The following TMEM132D variants were observed in gnomAD, a reference collection of about 807,000 sequenced individuals.
TMEM132D encodes transmembrane protein 132D.
Under a neutral mutation model 62.3 loss-of-function variants are expected in TMEM132D, and 21 were observed. The observed-to-expected ratio is 0.34, with a 90% confidence interval of 0.24 to 0.49. The LOEUF is 0.49. Ranked by LOEUF, TMEM132D falls within the 20% of genes least tolerant of loss-of-function variation. The probability of loss-of-function intolerance (pLI) is 0.99; values close to 1 mark genes in which losing one functional copy is unlikely to be tolerated. For synonymous variants in TMEM132D, 621 were observed against 575.6 expected, an observed-to-expected ratio of 1.08 and a Z score of -1.13; for missense variants, 1,346 against 1,402.8, an observed-to-expected ratio of 0.96 and a Z score of 0.65.
At chr12:129,716,413 G>A (rs774290668) in intron 1 of TMEM132D, among the ~76,000 whole-genome samples, 5 of 152,200 alleles carry the variant, frequency 3.3e-5, no homozygotes, top group Admixed American at 1.3e-4. Context: ...ACGCCTGTGA[G>A]GGTCAGGGCA....
chr12:129,655,510 G>A (rs773516249), intron 2 of TMEM132D, among the ~76,000 whole-genome samples: 6 of 151,996 alleles, frequency 3.9e-5, no homozygotes, highest in Non-Finnish European at 8.8e-5. Context: ...GCCTCTCAAA[G>A]TGCTGGGATT....
intron 2 of TMEM132D, among the ~76,000 whole-genome samples, chr12:129,581,441 G>A (rs1364260946): frequency 6.6e-6 from 1 of 152,190 alleles, no homozygotes; most frequent in African/African-American, 2.4e-5. Flanking sequence ...GAGGAGCCAG[G>A]AAGCCAGTCT....
intron 2 of TMEM132D, among the ~76,000 whole-genome samples, chr12:129,697,008 C>A (rs1256339075): frequency 2.6e-5 from 4 of 152,152 alleles, no homozygotes; most frequent in Non-Finnish European, 5.9e-5. Context: ...TACACGCATA[C>A]AAATACACAC....
intron 2 of TMEM132D, among the ~76,000 whole-genome samples, chr12:129,662,812 A>AGAGAGAG (rs1555224286): frequency 0.012 from 963 of 83,390 alleles, 5 homozygotes; most frequent in African/African-American, 0.027. Context: ...AAAAAAAAAA[A>AGAGAGAG]AGAGAGAGAG....
At chr12:129,354,332 T>TAC (rs1223536578) in intron 3 of TMEM132D, among the ~76,000 whole-genome samples, 2 of 151,078 alleles carry the variant, frequency 1.3e-5, no homozygotes, top group East Asian at 2.0e-4. Flanking sequence ...TATATATATA[T>TAC]ACATATTTTG....
chr12:129,406,258 T>C (rs1871782877), intron 3 of TMEM132D, among the ~76,000 whole-genome samples: 1 of 152,158 alleles, frequency 6.6e-6, no homozygotes, highest in South Asian at 2.1e-4. Flanking sequence ...TTTACAAAAA[T>C]ATATCCATAT....
At chr12:129,379,214 C>G (rs1011318054) in intron 3 of TMEM132D, among the ~76,000 whole-genome samples, 14 of 152,080 alleles carry the variant, frequency 9.2e-5, no homozygotes, top group African/African-American at 1.9e-4. Context: ...TGCACACACA[C>G]AGAGTCAGGA....
At chr12:129,110,744 C>T (rs7310361) in intron 5 of TMEM132D, 22,443 of 152,264 alleles carry the variant, frequency 0.15, 2,835 homozygotes, top group African/African-American at 0.34. Context: ...AGGGCCGCGC[C>T]GCACACCACA....
In TMEM132D at chr12:129,596,128, A is replaced by G. The variant is rs992903807; in HGVS notation, c.969-64923T>C. ...CAAACATGATGTACACAGGAGACAA[A>G]TTGGGTATGGTTTTGTGGGCCATAG... On this transcript the variant is annotated intron_variant, in intron 2 of 8. Coordinates refer to ENST00000422113, the MANE Select transcript of TMEM132D (RefSeq NM_133448.3). Among the ~76,000 whole-genome samples the G allele has an allele frequency of 4.6e-5, 7 of 152,306 alleles. 1 individual carries two copies. The Middle Eastern group carries it at 0.02, about 444-fold the overall frequency.
chr12:129,828,736 AAAGGAGGGAGGG>A (rs1872734268), intron 1 of TMEM132D, among the ~76,000 whole-genome samples: 1 of 11,398 alleles, frequency 8.8e-5, no homozygotes, highest in African/African-American at 3.7e-4. Flanking sequence ...GGGAGGGAGG[AAAGGAGGGAGGG>A]AGGGAGGAAA....
intron 5 of TMEM132D, among the ~76,000 whole-genome samples, chr12:129,195,642 G>A (rs977053334): frequency 6.6e-6 from 1 of 152,174 alleles, no homozygotes; most frequent in African/African-American, 2.4e-5. Flanking sequence ...CTGAAATTAA[G>A]AACATAGCTG....
At chr12:129,126,966 G>A (rs1343494945) in intron 5 of TMEM132D, among the ~76,000 whole-genome samples, 1 of 152,216 alleles carries the variant, frequency 6.6e-6, no homozygotes, top group African/African-American at 2.4e-5. Context: ...ATGCCCTGCA[G>A]TTGGGGACAA....
At chr12:129,145,374 G>A (rs1876864996) in intron 5 of TMEM132D, among the ~76,000 whole-genome samples, 1 of 152,118 alleles carries the variant, frequency 6.6e-6, no homozygotes, top group Non-Finnish European at 1.5e-5. Context: ...GGGGTTCAGG[G>A]ATGCGTTTCA....
intron 3 of TMEM132D, among the ~76,000 whole-genome samples, chr12:129,447,942 T>A (rs905710405): frequency 6.6e-6 from 1 of 152,146 alleles, no homozygotes; most frequent in Non-Finnish European, 1.5e-5. Context: ...AAACAGTGAG[T>A]GCTTGACAAC....
At chr12:129,764,564 A>T (rs932632614) in intron 1 of TMEM132D, among the ~76,000 whole-genome samples, 1 of 147,348 alleles carries the variant, frequency 6.8e-6, no homozygotes, top group South Asian at 2.3e-4. Context: ...GTGTGTGTGC[A>T]CGTGCATGTG....
rs1872996025 is a variant in TMEM132D, at chr12:129,443,395, CA to C, written c.1115+87663del. 3.9e-5 allele frequency among the ~76,000 whole-genome samples: 6 copies of C among 152,168 alleles called. No homozygotes were observed. In the South Asian group the frequency reaches 1.2e-3, roughly 32 times the overall value. On this transcript the variant is annotated intron_variant, in intron 3 of 8. Transcript: ENST00000422113. ...CTGTTAAGTCCCATTCTGATATCAT[CA>C]AAAACTGCTTTATACACACTCTGAT...
At chr12:129,654,543 G>GA (rs957999519) in intron 2 of TMEM132D, among the ~76,000 whole-genome samples, 1 of 152,062 alleles carries the variant, frequency 6.6e-6, no homozygotes, top group East Asian at 1.9e-4. Flanking sequence ...CAACCCCACT[G>GA]AAAAATGCAT....
chr12:129,362,223 T>C (rs974899927), intron 3 of TMEM132D, among the ~76,000 whole-genome samples: 6 of 152,208 alleles, frequency 3.9e-5, no homozygotes, highest in Admixed American at 2.6e-4. Context: ...CTCTTTCAAC[T>C]TGTCTTGCAT....
At chr12:129,741,227 C>G (rs942640528) in intron 1 of TMEM132D, among the ~76,000 whole-genome samples, 43 of 152,264 alleles carry the variant, frequency 2.8e-4, no homozygotes, top group African/African-American at 9.9e-4. Context: ...TGGCCATAAG[C>G]CTTTGGCACC....
Sources: allele counts gnomAD v4.1 joint callset (sites outside exome capture counted in the v4.1 genomes callset), GRCh38; gene constraint gnomAD v4.1.1; transcripts MANE v1.5; gene names NCBI Gene and HGNC (gene_info 2026-07-23, HGNC 2026-07-21).